Variants in VIT observed in about 807,000 individuals in gnomAD.
The protein encoded by VIT is vitrin.
In VIT, 99 loss-of-function variants were observed where a neutral mutation model predicts 78.0. The ratio of observed to expected loss-of-function variants is 1.27; its 90% CI spans 1.08 to 1.50. The LOEUF (loss-of-function observed/expected upper bound fraction) is 1.50. Ranked by LOEUF, VIT falls within the 40% of genes most tolerant of loss-of-function variation. The pLI, the probability that VIT is intolerant of heterozygous loss-of-function variation, is 0.00. For missense variants in VIT, 1,126 were observed against 875.3 expected (o/e 1.29, Z -3.61); for synonymous variants, 374 against 334.3 (o/e 1.12, Z -1.29).
At chr2:36,753,138 T>C (rs913888724) in intron 4 of VIT, among the ~76,000 whole-genome samples, 2 of 150,814 alleles carry the variant, frequency 1.3e-5, no homozygotes, top group African/African-American at 2.5e-5. Context: ...TTCTCACTTA[T>C]ACGTGGGAGC....
At position 36,750,649 on chromosome 2, in the gene VIT, C is replaced by T. The variant is rs549848506; in HGVS notation, c.276-4272C>T. ...CAGCCTGGCCAACATGGTGAAACCC[C>T]GTCTCTACTAAAAATACAAAAATTA... On this transcript the variant is annotated intron_variant, in intron 4 of 15. Coordinates refer to ENST00000379242, the MANE Select transcript of VIT (RefSeq NM_053276.4). Among the ~76,000 whole-genome samples, 11 of 151,830 alleles carry T rather than the reference C, an allele frequency of 7.2e-5. No homozygotes were observed. In the East Asian group the frequency reaches 1.6e-3, roughly 22 times the overall value.
At chr2:36,761,495 C>T (rs1669115999) in intron 6 of VIT, among the ~76,000 whole-genome samples, 2 of 152,058 alleles carry the variant, frequency 1.3e-5, no homozygotes, top group East Asian at 1.9e-4. Flanking sequence ...AATCCCAGCA[C>T]TTTGGGAGGC....
intron 4 of VIT, among the ~76,000 whole-genome samples, chr2:36,754,226 G>T (rs1668634230): frequency 6.6e-6 from 1 of 152,146 alleles, no homozygotes; most frequent in Non-Finnish European, 1.5e-5. Context: ...TTGATGGGGA[G>T]AAATCTACAT....
chr2:36,727,684 A>G (rs966068624), intron 2 of VIT, among the ~76,000 whole-genome samples: 3 of 152,240 alleles, frequency 2.0e-5, no homozygotes, highest in Non-Finnish European at 4.4e-5. Context: ...CATCCACTTC[A>G]TAACAATGTC....
chr2:36,795,776 T>C (rs975524779), intron 12 of VIT, among the ~76,000 whole-genome samples: 4 of 152,182 alleles, frequency 2.6e-5, no homozygotes, highest in African/African-American at 9.7e-5. Flanking sequence ...GTTTTTTACA[T>C]TTTTGTGCTT....
intron 13 of VIT, among the ~76,000 whole-genome samples, chr2:36,801,969 C>T (rs1666366104): frequency 6.6e-6 from 1 of 152,146 alleles, no homozygotes. Flanking sequence ...TGTTGGCCTA[C>T]AAGTCATCAC....
chr2:36,777,037 C>T (rs959830762), intron 9 of VIT, among the ~76,000 whole-genome samples: 7 of 145,054 alleles, frequency 4.8e-5, no homozygotes, highest in Admixed American at 7.1e-5. Context: ...TGCAGTGAGC[C>T]GAGATCACGC....
intron 3 of VIT, among the ~76,000 whole-genome samples, chr2:36,736,520 A>C (rs1667518031): frequency 6.6e-6 from 1 of 152,252 alleles, no homozygotes; most frequent in African/African-American, 2.4e-5. Context: ...ACACATAATG[A>C]AGCTGCAGAA....
At chr2:36,760,375 AT>A (rs766024120) in intron 6 of VIT, among the ~76,000 whole-genome samples, 2 of 151,184 alleles carry the variant, frequency 1.3e-5, no homozygotes, top group Admixed American at 6.6e-5. Flanking sequence ...CAAATAAGGA[AT>A]TTTTTTTGTC....
chr2:36,728,752 G>T (rs1384124029), intron 2 of VIT, among the ~76,000 whole-genome samples: 1 of 22,092 alleles, frequency 4.5e-5, no homozygotes, highest in East Asian at 1.6e-3. Context: ...GGCGGAGCTT[G>T]CAGTGAGCCG....
rs1558499582 is a variant in VIT, at chr2:36,703,922, TG to T, written c.-19+6950del. On this transcript the variant is annotated intron_variant, in intron 1 of 15. Coordinates refer to ENST00000379242, the MANE Select transcript of VIT (RefSeq NM_053276.4). ...TGTTTGTTTGGGGTTTTTTTTTGTTTGTTTTTTGTTTTTGTTTTTTTTTTTT... is the reference window on the plus strand; with the variant it reads ...TGTTTGTTTGGGGTTTTTTTTTGTTTTTTTTTGTTTTTGTTTTTTTTTTTT... Among the ~76,000 whole-genome samples, 296 of 103,884 alleles carry T rather than the reference TG, an allele frequency of 2.8e-3. 7 individuals are homozygous for T. Among genetic ancestry groups the T allele is most frequent in the Non-Finnish European group, 4.4e-3 (208 of 47,384 alleles). The allele number at this position is 103,884 out of a possible 152,430, so 68.2% of individuals were successfully genotyped here.
At chr2:36,733,715 G>A (rs936220766) in intron 3 of VIT, among the ~76,000 whole-genome samples, 3 of 152,140 alleles carry the variant, frequency 2.0e-5, no homozygotes, top group South Asian at 2.1e-4. Flanking sequence ...TTCTCTTGCC[G>A]TTCTGGAGGT....
chr2:36,730,314 A>G (rs975395338), intron 3 of VIT, among the ~76,000 whole-genome samples: 1 of 151,844 alleles, frequency 6.6e-6, no homozygotes, highest in Non-Finnish European at 1.5e-5. Flanking sequence ...GGGAAAAAAA[A>G]GAAAATCTGG....
At chr2:36,709,158 A>G (rs1665644994) in intron 1 of VIT, among the ~76,000 whole-genome samples, 1 of 152,180 alleles carries the variant, frequency 6.6e-6, no homozygotes, top group Non-Finnish European at 1.5e-5. Flanking sequence ...TCAAAAATAA[A>G]TAAATAAAAC....
At chr2:36,750,468 C>T (rs543850613) in intron 4 of VIT, among the ~76,000 whole-genome samples, 1 of 152,334 alleles carries the variant, frequency 6.6e-6, no homozygotes, top group South Asian at 2.1e-4. Context: ...TGCACTTTCA[C>T]ACTTCCGAGG....
chr2:36,805,188 C>T (rs1666616796), intron 13 of VIT, among the ~76,000 whole-genome samples: 1 of 151,602 alleles, frequency 6.6e-6, no homozygotes, highest in South Asian at 2.1e-4. Flanking sequence ...CCTGTAGTCC[C>T]TTCTACTCAG....
chr2:36,789,934 C>T (rs546698981), intron 12 of VIT, among the ~76,000 whole-genome samples: 9 of 152,306 alleles, frequency 5.9e-5, no homozygotes, highest in African/African-American at 1.9e-4. Flanking sequence ...TCCTTCCCTC[C>T]CTTCTCCCCT....
rs756822478 is a variant in VIT, at chr2:36,716,442, T to C, written c.52+20T>C. On this transcript the variant is annotated intron_variant, in intron 2 of 15. Transcript: ENST00000379242. ...TCCTTGGTAAGTACTTTTATATGTGTATCTGGATACCCTTTTAAAATTTTC... is the reference window on the plus strand; with the variant it reads ...TCCTTGGTAAGTACTTTTATATGTGCATCTGGATACCCTTTTAAAATTTTC... 5 of 1,612,290 alleles carry C rather than the reference T, an allele frequency of 3.1e-6. No homozygotes were observed. The highest frequency in any genetic ancestry group is 4.2e-6 in the Non-Finnish European group (5 of 1,178,800).
chr2:36,736,049 C>G (rs11688239), intron 3 of VIT, among the ~76,000 whole-genome samples: 26,948 of 152,042 alleles, frequency 0.18, 3,074 homozygotes, highest in Non-Finnish European at 0.26. Flanking sequence ...AGTTTTATCA[C>G]TTTATTTTTA....
Sources: gnomAD v4.1 joint callset for allele counts (sites outside exome capture counted in the v4.1 genomes callset) on GRCh38, gnomAD v4.1.1 for gene constraint, MANE v1.5 for transcripts, NCBI Gene and HGNC (gene_info 2026-07-23, HGNC 2026-07-21) for gene names.